TMEM59: variants seen among roughly 807,000 people sequenced by gnomAD.
TMEM59 encodes the protein dendritic cell factor 1.
A neutral mutation model predicts 42.2 loss-of-function variants in TMEM59; 44 were observed. The ratio of observed to expected loss-of-function variants is 1.04; its 90% CI spans 0.82 to 1.34. The LOEUF (loss-of-function observed/expected upper bound fraction) is 1.34, where lower values mean the gene tolerates loss of function less well. Among genes scored for constraint, TMEM59 ranks in the 40% most tolerant of loss-of-function variants. The pLI, the probability that TMEM59 is intolerant of heterozygous loss-of-function variation, is 0.00. For synonymous variants in TMEM59, 148 were observed against 145.8 expected, an observed-to-expected ratio of 1.02 and a Z score of -0.11; for missense variants, 359 against 382.8, an observed-to-expected ratio of 0.94 and a Z score of 0.52.
intron 1 of TMEM59, among the ~76,000 whole-genome samples, chr1:54,050,927 C>T (rs1263364208): frequency 6.6e-6 from 1 of 151,834 alleles, no homozygotes; most frequent in African/African-American, 2.4e-5. Context: ...GGCGACATTT[C>T]GGCTCACTGC....
At chr1:54,044,290 C>T (rs960290096) in intron 3 of TMEM59, 1 of 125,548 alleles carries the variant, frequency 8.0e-6, no homozygotes, top group Non-Finnish European at 1.6e-5. Flanking sequence ...TTGCCGTGAG[C>T]CAAGATCATG....
At position 54,043,389 on chromosome 1, in the gene TMEM59, T is replaced by C; in HGVS notation, c.527A>G (p.Lys176Arg). ...AGTTGTCACCTGGAATATAACTATT[T>C]TTCCGTCATCGGCTTGAAGATAAAA... ...WTFYLQADDG[K>R]IVIFQSKPEI... The change falls in exon 4 of 8, where the codon AAA becomes AGA. Residue 176 changes from lysine to arginine, a missense_variant. Transcript: ENST00000234831. 1 of 1,551,380 alleles carries C rather than the reference T, an allele frequency of 6.4e-7. No individual in the cohort carries two copies. The highest frequency in any genetic ancestry group is 2.3e-5 in the East Asian group (1 of 42,578).
At chr1:54,041,646 A>G in intron 5 of TMEM59, 78 bp downstream of exon 5, 1 of 1,199,514 alleles carries the variant, frequency 8.3e-7, no homozygotes, top group Non-Finnish European at 1.2e-6. Context: ...ATCAGTGTAA[A>G]AACAAACATG....
chr1:54,048,643 G>A (rs1439275030), intron 1 of TMEM59: 1 of 436,014 alleles, frequency 2.3e-6, no homozygotes, highest in Non-Finnish European at 4.8e-6. Context: ...GAGCCCCCTC[G>A]ACTTACTATG....
intron 1 of TMEM59, among the ~76,000 whole-genome samples, chr1:54,048,271 A>G (rs1353741313): frequency 6.6e-6 from 1 of 152,240 alleles, no homozygotes; most frequent in Admixed American, 6.5e-5. Context: ...CACTGCAATC[A>G]GCCAGACCTA....
At chr1:54,043,634 T>C in intron 3 of TMEM59, 109 bp from the exon 4 acceptor site, 6 of 647,984 alleles carry the variant, frequency 9.3e-6, no homozygotes, top group Non-Finnish European at 1.1e-5. Context: ...ATACAAACAA[T>C]TAAATACATC....
rs1214233340 is a variant in TMEM59 at position 54,029,785 on chromosome 1, T to A, written c.*2365A>T. The stretch of plus-strand genomic sequence containing the variant: ...CCCAAACAGAAGACTATATTTCCCA[T>A]TATCTCAATCTTTATCACTGTACGT... On this transcript the variant is annotated 3_prime_UTR_variant, in exon 8 of 8. Transcript: ENST00000234831. The A allele has an allele frequency of 6.6e-6, 1 of 152,194 alleles. No individual in the cohort carries two copies. The highest frequency in any genetic ancestry group is 1.5e-5 in the Non-Finnish European group (1 of 68,034). The allele number at this position is 152,194 out of a possible 1,614,324, so 9.4% of individuals were successfully genotyped here. A position where few individuals can be genotyped will look rare whatever the true frequency, so the allele number is the denominator to read the frequency against.
At chr1:54,036,823 T>A in intron 6 of TMEM59, 105 bp from the exon 7 acceptor site, 1 of 634,014 alleles carries the variant, frequency 1.6e-6, no homozygotes, top group Non-Finnish European at 2.5e-6. Flanking sequence ...CAATTAAAAC[T>A]TTGTTGGTTA....
chr1:54,049,552 A>C (rs1057111489), intron 1 of TMEM59, among the ~76,000 whole-genome samples: 3 of 152,200 alleles, frequency 2.0e-5, no homozygotes, highest in Admixed American at 2.0e-4. Context: ...TTTCAAGTAA[A>C]TATTTCATGC....
intron 7 of TMEM59, chr1:54,033,094 ATTTTTCT>A (rs1445100796): frequency 6.8e-6 from 1 of 147,576 alleles, no homozygotes; most frequent in Non-Finnish European, 1.5e-5. Flanking sequence ...TGCCCAGCTA[ATTTTTCT>A]TTTTTCTTTC....
At chr1:54,045,551 AT>A (rs1477338034) in intron 3 of TMEM59, 140 bp downstream of exon 3, 2 of 707,908 alleles carry the variant, frequency 2.8e-6, no homozygotes, top group East Asian at 5.3e-5. Flanking sequence ...TGACTTTTCT[AT>A]TTGCAAACTA....
chr1:54,047,026 G>C (rs1393329489), intron 2 of TMEM59, among the ~76,000 whole-genome samples: 3 of 152,180 alleles, frequency 2.0e-5, no homozygotes, highest in Non-Finnish European at 4.4e-5. Context: ...AGAATGCTTG[G>C]TTAAACAAAG....
rs1205438008 is a variant in TMEM59, at chr1:54,042,045, C to CGTTTT, written c.544-245_544-241dup. The stretch of plus-strand genomic sequence containing the variant: ...TTATGTTAGTTTAACTTCCTGACAA[C>CGTTTT]GTTTTGTTTTGTTTTTTTTTTTTTT... On this transcript the variant is annotated intron_variant, in intron 4 of 7. Coordinates refer to ENST00000234831, the MANE Select transcript of TMEM59 (RefSeq NM_004872.5). Among the ~76,000 whole-genome samples, 455 of 146,788 alleles carry CGTTTT rather than the reference C, an allele frequency of 3.1e-3. 1 individual carries two copies. Among genetic ancestry groups the CGTTTT allele is most frequent in the African/African-American group, 0.011 (424 of 37,916 alleles).
rs922973786 is a variant in TMEM59, at chr1:54,051,667, A to G, written c.189+1333T>C. On this transcript the variant is annotated intron_variant, in intron 1 of 7. Transcript: ENST00000234831. ...CTCAACCCAATTCCAGGCCAAATCA[A>G]TATTAATGAGCTTCTTCATACAATC... Among the ~76,000 whole-genome samples, 5 of 152,240 alleles carry G rather than the reference A, an allele frequency of 3.3e-5. No individual in the cohort carries two copies. The East Asian group carries it at 5.8e-4, about 18-fold the overall frequency.
chr1:54,042,271 T>G (rs1490771859), intron 4 of TMEM59, among the ~76,000 whole-genome samples: 1 of 152,140 alleles, frequency 6.6e-6, no homozygotes, highest in African/African-American at 2.4e-5. Context: ...AGCCAAACAC[T>G]CCATACTTTT....
At position 54,028,638 on chromosome 1, in the gene TMEM59, T is replaced by G. The variant is rs1656674424; in HGVS notation, c.*3512A>C. On this transcript the variant is annotated 3_prime_UTR_variant, in exon 8 of 8. Transcript: ENST00000234831. Reference sequence around the variant, plus strand: ...CCCCACTGTCTGGTACACTGCTCTCTATATTGTGTTTGGCGTTCCCTTTTT... The same window carrying G: ...CCCCACTGTCTGGTACACTGCTCTCGATATTGTGTTTGGCGTTCCCTTTTT... 1 of 152,338 alleles carries G rather than the reference T, an allele frequency of 6.6e-6. No homozygotes were observed. The highest frequency in any genetic ancestry group is 1.5e-5 in the Non-Finnish European group (1 of 68,130). The allele number at this position is 152,338 out of a possible 1,614,324, so 9.4% of individuals were successfully genotyped here. A position where few individuals can be genotyped will look rare whatever the true frequency, so the allele number is the denominator to read the frequency against.
At chr1:54,045,373 A>G in intron 3 of TMEM59, 1 of 287,242 alleles carries the variant, frequency 3.5e-6, no homozygotes, top group Non-Finnish European at 6.5e-6. Flanking sequence ...GTCCAATGGG[A>G]GTTGGGATGG....
intron 6 of TMEM59, among the ~76,000 whole-genome samples, chr1:54,038,962 A>G (rs544801964): frequency 2.0e-5 from 3 of 152,306 alleles, no homozygotes; most frequent in Non-Finnish European, 2.9e-5. Context: ...CTCCCACCTC[A>G]GCCTCTTGAC....
intron 1 of TMEM59, among the ~76,000 whole-genome samples, 154 bp downstream of exon 1, chr1:54,052,846 G>C (rs1657602567): frequency 6.6e-6 from 1 of 152,186 alleles, no homozygotes; most frequent in African/African-American, 2.4e-5. Flanking sequence ...ATGGGGTGCA[G>C]GCAGGATTAG....
Sources: gnomAD v4.1 joint callset for allele counts (sites outside exome capture counted in the v4.1 genomes callset) on GRCh38, gnomAD v4.1.1 for gene constraint, MANE v1.5 for transcripts, NCBI Gene and HGNC (gene_info 2026-07-23, HGNC 2026-07-21) for gene names.